Variants in ADGRB3 observed in about 807,000 individuals in gnomAD.
ADGRB3 encodes the protein adhesion G protein-coupled receptor B3, also known as brain-specific angiogenesis inhibitor 3.
A neutral mutation model predicts 193.4 loss-of-function variants in ADGRB3; 37 were observed. The ratio of observed to expected loss-of-function variants is 0.19; its 90% CI spans 0.15 to 0.25. The LOEUF (loss-of-function observed/expected upper bound fraction) is 0.25, where lower values mean the gene tolerates loss of function less well. ADGRB3 is among the 10% of genes least tolerant of loss of function. The pLI is 1.00. For synonymous variants in ADGRB3, 690 were observed against 644.2 expected, an observed-to-expected ratio of 1.07 and a Z score of -1.08; for missense variants, 1,637 against 1,852.9, an observed-to-expected ratio of 0.88 and a Z score of 2.14.
chr6:69,358,955 ACT>A (rs1166023693), intron 28 of ADGRB3, among the ~76,000 whole-genome samples: 1 of 151,642 alleles, frequency 6.6e-6, no homozygotes, highest in Non-Finnish European at 1.5e-5. Context: ...AGCAAACACA[ACT>A]ATATCACTTG....
chr6:69,211,915 C>G (rs531063225), intron 17 of ADGRB3, among the ~76,000 whole-genome samples: 1 of 152,280 alleles, frequency 6.6e-6, no homozygotes, highest in Admixed American at 6.5e-5. Context: ...CATAGTCTAG[C>G]ATTTTTGATT....
rs941100646 is a variant in ADGRB3 at position 68,690,218 on chromosome 6, G to A, written c.757+50786G>A. ...TGCAGATACAAAGCTTAGCCTTTAC[G>A]TGCTACTGAGCTGCTGAGAACAATT... On this transcript the variant is annotated intron_variant, in intron 3 of 31. Transcript: ENST00000370598. Among the ~76,000 whole-genome samples, 6 of 152,198 alleles carry A rather than the reference G, an allele frequency of 3.9e-5. No homozygotes were observed. The South Asian group carries it at 6.2e-4, about 16-fold the overall frequency.
intron 16 of ADGRB3, among the ~76,000 whole-genome samples, chr6:69,075,185 A>C (rs576614345): frequency 6.6e-6 from 1 of 152,218 alleles, no homozygotes; most frequent in African/African-American, 2.4e-5. Flanking sequence ...ATACACTTTA[A>C]AAGTGTATGC....
At chr6:69,233,131 GCATCTAAATTA>G in intron 17 of ADGRB3, 148 bp from the exon 18 acceptor site, 1 of 1,008,758 alleles carries the variant, frequency 9.9e-7, no homozygotes, top group Non-Finnish European at 1.4e-6. Context: ...TACTGGAGAT[GCATCTAAATTA>G]CATCCTGTTC....
intron 27 of ADGRB3, among the ~76,000 whole-genome samples, chr6:69,355,338 G>C (rs573390362): frequency 4.5e-4 from 69 of 152,256 alleles, no homozygotes; most frequent in African/African-American, 1.6e-3. Flanking sequence ...GAGTGAAAAT[G>C]AATCATTAGA....
At chr6:69,092,467 C>G (rs1051615251) in intron 17 of ADGRB3, among the ~76,000 whole-genome samples, 7 of 152,128 alleles carry the variant, frequency 4.6e-5, no homozygotes, top group Admixed American at 1.3e-4. Flanking sequence ...CCGTCCCCAC[C>G]CTATTCCAAA....
intron 17 of ADGRB3, among the ~76,000 whole-genome samples, chr6:69,116,275 TGACCAAA>T (rs1054827533): frequency 1.3e-5 from 2 of 152,204 alleles, no homozygotes; most frequent in African/African-American, 4.8e-5. Context: ...TACTACTGTT[TGACCAAA>T]CAACTGAGCA....
At chr6:69,239,029 A>G (rs1248406620) in intron 19 of ADGRB3, 95 bp from the exon 20 acceptor site, 7 of 581,616 alleles carry the variant, frequency 1.2e-5, no homozygotes, top group Non-Finnish European at 2.1e-5. Context: ...TACAGTACTT[A>G]TTTTTCCAGA....
chr6:69,094,197 G>C (rs981815785), intron 17 of ADGRB3, among the ~76,000 whole-genome samples: 1 of 152,144 alleles, frequency 6.6e-6, no homozygotes, highest in Non-Finnish European at 1.5e-5. Context: ...AGTTGAGAAT[G>C]AGTCTCAGGT....
intron 30 of ADGRB3, among the ~76,000 whole-genome samples, chr6:69,373,815 C>T (rs936082501): frequency 4.6e-5 from 7 of 152,084 alleles, no homozygotes; most frequent in East Asian, 3.9e-4. Context: ...TAGGCATCAG[C>T]GGCAAAATAT....
chr6:69,291,615 A>G (rs936323932), intron 20 of ADGRB3, among the ~76,000 whole-genome samples: 29 of 152,174 alleles, frequency 1.9e-4, no homozygotes, highest in African/African-American at 6.8e-4. Context: ...AACATTTTCT[A>G]TATTCCTTAA....
intron 13 of ADGRB3, among the ~76,000 whole-genome samples, chr6:69,022,002 C>T (rs1582400054): frequency 2.0e-5 from 3 of 151,712 alleles, no homozygotes; most frequent in South Asian, 4.1e-4. Flanking sequence ...ACAAAGATTT[C>T]AAACCAATGA....
intron 3 of ADGRB3, among the ~76,000 whole-genome samples, chr6:68,888,792 C>A (rs1283949): frequency 0.018 from 2,709 of 152,210 alleles, 97 homozygotes; most frequent in African/African-American, 0.061. Flanking sequence ...ATGCAGCAAT[C>A]TAGAGTTAAG....
intron 13 of ADGRB3, among the ~76,000 whole-genome samples, chr6:69,046,416 A>G (rs1486234972): frequency 6.6e-6 from 1 of 152,188 alleles, no homozygotes; most frequent in Non-Finnish European, 1.5e-5. Context: ...GCTCATCTAT[A>G]TACAGCAGGG....
intron 11 of ADGRB3, among the ~76,000 whole-genome samples, chr6:69,000,664 G>A (rs1769548405): frequency 6.6e-6 from 1 of 152,128 alleles, no homozygotes; most frequent in African/African-American, 2.4e-5. Context: ...TAATATAAGG[G>A]TTAAAACAAA....
At chr6:68,781,798 T>A (rs1766858672) in intron 3 of ADGRB3, among the ~76,000 whole-genome samples, 1 of 151,902 alleles carries the variant, frequency 6.6e-6, no homozygotes, top group Non-Finnish European at 1.5e-5. Flanking sequence ...GGTACCTTGT[T>A]AGATGAGCGC....
intron 20 of ADGRB3, among the ~76,000 whole-genome samples, chr6:69,304,005 A>T (rs909155484): frequency 3.3e-5 from 5 of 151,884 alleles, no homozygotes; most frequent in African/African-American, 1.2e-4. Context: ...ACCACCTTAT[A>T]CTTTTAATTG....
intron 3 of ADGRB3, among the ~76,000 whole-genome samples, chr6:68,848,325 G>A (rs1471178046): frequency 6.6e-6 from 1 of 151,902 alleles, no homozygotes; most frequent in Non-Finnish European, 1.5e-5. Flanking sequence ...CCTATTAATA[G>A]CAACAATAGC....
intron 17 of ADGRB3, among the ~76,000 whole-genome samples, chr6:69,163,184 C>T (rs1281405532): frequency 2.0e-5 from 3 of 152,048 alleles, no homozygotes; most frequent in African/African-American, 7.2e-5. Context: ...TAACCACTAC[C>T]TCTCACATCA....
Sources: allele counts gnomAD v4.1 joint callset (sites outside exome capture counted in the v4.1 genomes callset), GRCh38; gene constraint gnomAD v4.1.1; transcripts MANE v1.5; gene names NCBI Gene and HGNC (gene_info 2026-07-23, HGNC 2026-07-21).